SPAG17: variants seen among roughly 807,000 people sequenced by gnomAD.
The protein encoded by SPAG17 is sperm-associated antigen 17.
Under a neutral mutation model 273.6 loss-of-function variants are expected in SPAG17, and 169 were observed. That is an observed-to-expected ratio of 0.62 (90% CI 0.55 to 0.70). SPAG17 has a LOEUF of 0.70. SPAG17 is among the 30% of genes least tolerant of loss of function. SPAG17 has a pLI of 0.00. For missense variants in SPAG17, 2,557 were observed against 2,627.8 expected (o/e 0.97, Z 0.59); for synonymous variants, 825 against 873.2 (o/e 0.94, Z 0.97).
intron 29 of SPAG17, among the ~76,000 whole-genome samples, chr1:118,013,646 A>T (rs915818803): frequency 2.6e-5 from 4 of 152,158 alleles, no homozygotes; most frequent in East Asian, 1.9e-4. Context: ...AAAGTGCGTC[A>T]CACTTGGCCA....
intron 18 of SPAG17, among the ~76,000 whole-genome samples, chr1:118,064,491 G>A (rs10802004): frequency 0.078 from 11,536 of 147,120 alleles, 647 homozygotes; most frequent in East Asian, 0.32. Flanking sequence ...CAAGGACAAA[G>A]AACCAAACAC....
At position 118,025,373 on chromosome 1, in the gene SPAG17, G is replaced by T; in HGVS notation, c.3774C>A (p.Val1258=). The T allele has an allele frequency of 1.2e-6, 2 of 1,606,552 alleles. No homozygotes were observed. Residue 1258 remains valine (V), a synonymous_variant, in exon 27 of 49, where the codon GTC becomes GTA. Coordinates refer to ENST00000336338, the MANE Select transcript of SPAG17 (RefSeq NM_206996.4). Reference sequence around the variant, plus strand: ...TCACCCTCTGGGGGTAGCTCTGACGGACCATGATGTCCCAGGTGGGTTCCT... The same window carrying T: ...TCACCCTCTGGGGGTAGCTCTGACGTACCATGATGTCCCAGGTGGGTTCCT... The part of the protein sequence containing the change: ...IDEEPTWDIM[V]RQSYPQRVKH...
intron 23 of SPAG17, 38 bp downstream of exon 23, chr1:118,039,254 A>G (rs1401853903): frequency 9.4e-6 from 15 of 1,598,814 alleles, no homozygotes; most frequent in Non-Finnish European, 1.3e-5. Flanking sequence ...AGACAGGAGT[A>G]TTAGTCAGAA....
chr1:117,981,434 T>G, intron 42 of SPAG17, 33 bp from the exon 43 acceptor site: 1 of 1,574,024 alleles, frequency 6.4e-7, no homozygotes, highest in Non-Finnish European at 8.6e-7. Flanking sequence ...TATAAAGTGA[T>G]ATTTTGTAAA....
At chr1:118,038,049 T>C (rs1465852546) in intron 23 of SPAG17, among the ~76,000 whole-genome samples, 4 of 152,130 alleles carry the variant, frequency 2.6e-5, no homozygotes, top group Non-Finnish European at 5.9e-5. Flanking sequence ...TAAAGGACTA[T>C]TACTCAAAAT....
chr1:117,967,106 G>GCATA (rs1557843973), intron 46 of SPAG17, among the ~76,000 whole-genome samples: 36 of 152,170 alleles, frequency 2.4e-4, no homozygotes, highest in African/African-American at 7.9e-4. Context: ...GTGACTTTCA[G>GCATA]TAGTGAAATC....
At chr1:118,125,739 T>C (rs1657683824) in intron 3 of SPAG17, among the ~76,000 whole-genome samples, 1 of 152,242 alleles carries the variant, frequency 6.6e-6, no homozygotes. Context: ...TATTCCATTT[T>C]GTATAAATAA....
chr1:118,093,283 G>A lies in SPAG17; in HGVS notation c.1046C>T (p.Ala349Val), dbSNP rs1558008000. Residue 349 changes from alanine to valine, a missense_variant, in exon 8 of 49, where the codon GCC (alanine) becomes GTC (valine). Physicochemically the swap from Ala to Val is moderately conservative, Grantham distance 64. Coordinates refer to ENST00000336338, the MANE Select transcript of SPAG17 (RefSeq NM_206996.4). ...KLGTDIFENI[A>V]CLMYDILDWK... ...ATCCAGGATGTCATACATCAAGCAG[G>A]CAATATTTTCAAAAATATCAGTGCC... The A allele has an allele frequency of 6.2e-7, 1 of 1,612,042 alleles. No homozygotes were observed. Among genetic ancestry groups the A allele is most frequent in the South Asian group, 1.1e-5 (1 of 90,670 alleles).
intron 2 of SPAG17, among the ~76,000 whole-genome samples, chr1:118,151,028 T>C (rs1270890300): frequency 1.3e-5 from 2 of 152,216 alleles, no homozygotes; most frequent in Non-Finnish European, 2.9e-5. Context: ...TAAATGAATA[T>C]TGAATTAACA....
In SPAG17 at chr1:117,957,175, G is replaced by A. The variant is rs3736795; in HGVS notation, c.*1-3126C>T. 1.2e-5 allele frequency: 19 copies of A among 1,610,618 alleles called. No homozygotes were observed. In the East Asian group the frequency reaches 1.3e-4, roughly 11 times the overall value. ...GGCTCTGATGTTGAACTTATATGCC[G>A]GTGCCTCTTCTTCCTCCTTAGGTAA... On this transcript the variant is annotated intron_variant, in intron 48 of 48. Coordinates refer to ENST00000336338, the MANE Select transcript of SPAG17 (RefSeq NM_206996.4).
intron 15 of SPAG17, among the ~76,000 whole-genome samples, chr1:118,077,954 G>C (rs945845354): frequency 6.6e-6 from 1 of 152,160 alleles, no homozygotes; most frequent in African/African-American, 2.4e-5. Flanking sequence ...CTTGTATGTA[G>C]TTGAACAAAT....
chr1:118,094,541 G>A (rs557085286), intron 7 of SPAG17, among the ~76,000 whole-genome samples: 1 of 152,360 alleles, frequency 6.6e-6, no homozygotes, highest in South Asian at 2.1e-4. Context: ...CAAAGGGGAA[G>A]AGGGCTCCTT....
intron 1 of SPAG17, among the ~76,000 whole-genome samples, chr1:118,163,836 T>G (rs1660042347): frequency 6.6e-6 from 1 of 152,120 alleles, no homozygotes; most frequent in Non-Finnish European, 1.5e-5. Flanking sequence ...ACTTCTTCCC[T>G]CACCACCAGC....
intron 16 of SPAG17, 148 bp from the exon 17 acceptor site, chr1:118,074,115 G>A (rs1653869755): frequency 3.4e-6 from 2 of 585,938 alleles, no homozygotes; most frequent in Non-Finnish European, 5.9e-6. Context: ...TTTTAGGAGA[G>A]CTGCTGCCAA....
At position 118,155,617 on chromosome 1, in the gene SPAG17, C is replaced by T. The variant is rs1273261052; in HGVS notation, c.88-4248G>A. On this transcript the variant is annotated intron_variant, in intron 1 of 48. Coordinates refer to ENST00000336338, the MANE Select transcript of SPAG17 (RefSeq NM_206996.4). ...CCAGAACTGAACAGGGCCTGATAAG[C>T]TATATGAACCAGTAGTGGTCAGCGC... Among the ~76,000 whole-genome samples the T allele has an allele frequency of 3.3e-5, 5 of 152,144 alleles. No individual in the cohort carries two copies. The East Asian group carries it at 7.7e-4, about 23-fold the overall frequency.
intron 20 of SPAG17, among the ~76,000 whole-genome samples, chr1:118,045,057 T>C (rs1312281792): frequency 6.6e-6 from 1 of 152,060 alleles, no homozygotes; most frequent in Non-Finnish European, 1.5e-5. Flanking sequence ...AAGGGCAAAA[T>C]AAAGTCATTT....
chr1:118,018,521 C>T (rs1341481469), intron 28 of SPAG17, among the ~76,000 whole-genome samples: 1 of 151,974 alleles, frequency 6.6e-6, no homozygotes, highest in Admixed American at 6.6e-5. Context: ...CTTTCTGAAG[C>T]CAAAGTCCTT....
intron 1 of SPAG17, among the ~76,000 whole-genome samples, chr1:118,159,501 T>C (rs1404981569): frequency 6.6e-6 from 1 of 152,218 alleles, no homozygotes; most frequent in African/African-American, 2.4e-5. Context: ...TAGGGTCCTT[T>C]TGTAAATTTG....
intron 34 of SPAG17, among the ~76,000 whole-genome samples, chr1:117,994,786 T>A (rs1230497977): frequency 6.6e-6 from 1 of 152,086 alleles, no homozygotes; most frequent in Admixed American, 6.6e-5. Context: ...ACCAACCACA[T>A]ACAAGTTCTG....
Sources: gnomAD v4.1 joint callset for allele counts (sites outside exome capture counted in the v4.1 genomes callset) on GRCh38, gnomAD v4.1.1 for gene constraint, MANE v1.5 for transcripts, NCBI Gene and HGNC (gene_info 2026-07-23, HGNC 2026-07-21) for gene names.